Variants in RBFOX2 observed in about 807,000 individuals in gnomAD.
RBFOX2 encodes RNA binding protein fox-1 homolog 2.
A neutral mutation model predicts 49.1 loss-of-function variants in RBFOX2; 10 were observed. That is an observed-to-expected ratio of 0.20 (90% CI 0.13 to 0.35). The LOEUF (loss-of-function observed/expected upper bound fraction) is 0.35. Among genes scored for constraint, RBFOX2 ranks in the 10% least tolerant of loss-of-function variants. The pLI, the probability that RBFOX2 is intolerant of heterozygous loss-of-function variation, is 1.00. For synonymous variants in RBFOX2, 183 were observed against 187.4 expected, an observed-to-expected ratio of 0.98 and a Z score of 0.19; for missense variants, 323 against 486.9, an observed-to-expected ratio of 0.66 and a Z score of 3.17.
At chr22:35,872,906 A>C (rs1433184391) in intron 1 of RBFOX2, among the ~76,000 whole-genome samples, 1 of 152,090 alleles carries the variant, frequency 6.6e-6, no homozygotes, top group Non-Finnish European at 1.5e-5. Flanking sequence ...GGTCCATAGG[A>C]GTGGAGCCCT....
intron 6 of RBFOX2, 81 bp downstream of exon 7, chr22:35,765,342 T>A: frequency 9.8e-7 from 1 of 1,019,528 alleles, no homozygotes; most frequent in Non-Finnish European, 1.4e-6. Context: ...AAGACGGAAA[T>A]AAAGACATTC....
intron 1 of RBFOX2, among the ~76,000 whole-genome samples, chr22:36,027,759 G>GTC (rs2059503119): frequency 6.6e-6 from 1 of 151,984 alleles, no homozygotes; most frequent in Non-Finnish European, 1.5e-5. Flanking sequence ...GCTCTCTCGA[G>GTC]GAGTTTTCTT....
chr22:36,023,271 A>G (rs1183338341), intron 1 of RBFOX2, among the ~76,000 whole-genome samples: 2 of 152,166 alleles, frequency 1.3e-5, no homozygotes, highest in Non-Finnish European at 2.9e-5. Context: ...CTTCCCTGAA[A>G]CCTGAAAGAA....
chr22:36,026,492 C>T lies in RBFOX2; in HGVS notation c.186+1748G>A, dbSNP rs7291609. On this transcript the variant is annotated intron_variant, in intron 1 of 13. Coordinates refer to the RBFOX2 transcript ENST00000438146. The stretch of plus-strand genomic sequence containing the variant: ...CCCAGGAGTAAATGAGGGAAAGGGA[C>T]GGGGGTCTCACTATTAACTAGGATT... Among the ~76,000 whole-genome samples, 448 of 151,376 alleles carry T rather than the reference C, an allele frequency of 3.0e-3. 6 individuals are homozygous for T. The highest frequency in any genetic ancestry group is 0.011 in the African/African-American group (437 of 41,222).
At chr22:35,972,261 T>G (rs2150016331) in intron 1 of RBFOX2, among the ~76,000 whole-genome samples, 1 of 152,220 alleles carries the variant, frequency 6.6e-6, no homozygotes, top group Middle Eastern at 3.4e-3. Context: ...AGCACCTCCT[T>G]TAGGGAACTG....
chr22:35,832,408 A>T (rs1260983900), intron 1 of RBFOX2, among the ~76,000 whole-genome samples: 1 of 152,202 alleles, frequency 6.6e-6, no homozygotes, highest in East Asian at 1.9e-4. Context: ...AAAGCCAAAC[A>T]TGTTATCATA....
intron 1 of RBFOX2, among the ~76,000 whole-genome samples, chr22:35,922,990 T>C (rs2051194883): frequency 6.6e-6 from 1 of 152,196 alleles, no homozygotes; most frequent in Admixed American, 6.5e-5. Context: ...GTCCTATGGC[T>C]CTGTCTTAGC....
upstream of RBFOX2, among the ~76,000 whole-genome samples, chr22:35,941,990 G>A (rs2149771244): frequency 6.6e-6 from 1 of 152,228 alleles, no homozygotes; most frequent in South Asian, 2.1e-4. Flanking sequence ...CCTATTGCAG[G>A]TATTCTTCAG....
At chr22:35,892,207 A>C (rs1196422403) in intron 1 of RBFOX2, among the ~76,000 whole-genome samples, 1 of 152,216 alleles carries the variant, frequency 6.6e-6, no homozygotes, top group Admixed American at 6.5e-5. Flanking sequence ...TTTTCCCTAT[A>C]TGACAAATGA....
rs145028355 is a variant in RBFOX2, at chr22:35,798,268, C to T, written c.252+11512G>A. On this transcript the variant is annotated intron_variant, in intron 2 of 11. Transcript: ENST00000405409. ...GGGATTACAGGCATGAGCCACTGCACCAGGCCTGTACTGTTTTTCTACTGG... is the reference window on the plus strand; with the variant it reads ...GGGATTACAGGCATGAGCCACTGCATCAGGCCTGTACTGTTTTTCTACTGG... 1.8e-3 allele frequency among the ~76,000 whole-genome samples: 276 copies of T among 152,342 alleles called. 2 individuals carry two copies. The highest frequency in any genetic ancestry group is 6.5e-3 in the African/African-American group (270 of 41,576).
At chr22:35,960,955 T>C (rs2056136244) in intron 1 of RBFOX2, among the ~76,000 whole-genome samples, 1 of 152,018 alleles carries the variant, frequency 6.6e-6, no homozygotes, top group Non-Finnish European at 1.5e-5. Flanking sequence ...TTCTGTTATA[T>C]TTGTTTAAAA....
At position 35,926,356 on chromosome 22, in the gene RBFOX2, G is replaced by C. The variant is rs138502291; in HGVS notation, c.-34+12491C>G. ...TTCTCGATTTTGAAAATTGCTAATG[G>C]AAATTCTATAATTTTCCTTTGTAAA... On this transcript the variant is annotated intron_variant, in intron 1 of 13. Transcript: ENST00000359369. 3.5e-4 allele frequency among the ~76,000 whole-genome samples: 54 copies of C among 152,266 alleles called. No individual in the cohort carries two copies. The East Asian group carries it at 9.8e-3, about 28-fold the overall frequency.
intron 1 of RBFOX2, chr22:35,821,838 G>A (rs768466217): frequency 1.7e-5 from 9 of 518,782 alleles, no homozygotes; most frequent in East Asian, 1.1e-4. Context: ...TCCTGAGGCC[G>A]CTGAAGGAAG....
chr22:35,971,265 C>T (rs2150010607), intron 1 of RBFOX2, among the ~76,000 whole-genome samples: 1 of 152,236 alleles, frequency 6.6e-6, no homozygotes, highest in East Asian at 1.9e-4. Flanking sequence ...CCCTTTGGCA[C>T]ACAGCTACAC....
At chr22:36,005,748 A>G (rs1355493935) in intron 1 of RBFOX2, among the ~76,000 whole-genome samples, 1 of 152,226 alleles carries the variant, frequency 6.6e-6, no homozygotes, top group Non-Finnish European at 1.5e-5. Context: ...TCATGTGGTC[A>G]TTACAGAATA....
upstream of RBFOX2, among the ~76,000 whole-genome samples, chr22:35,963,816 G>C (rs1390207406): frequency 6.6e-6 from 1 of 152,176 alleles, no homozygotes; most frequent in Non-Finnish European, 1.5e-5. Context: ...TGCCATCTCA[G>C]CTCACTGCAA....
At chr22:35,850,712 T>C (rs1046372135) in intron 1 of RBFOX2, among the ~76,000 whole-genome samples, 1 of 152,126 alleles carries the variant, frequency 6.6e-6, no homozygotes, top group Non-Finnish European at 1.5e-5. Flanking sequence ...CATGGACAGG[T>C]GTTAGGTTTG....
At chr22:35,839,403 A>C (rs1175643033) in intron 1 of RBFOX2, among the ~76,000 whole-genome samples, 1 of 138,672 alleles carries the variant, frequency 7.2e-6, no homozygotes, top group East Asian at 2.4e-4. Context: ...GAAAAGGATG[A>C]GGAGAGAAAG....
chr22:35,932,413 T>C (rs1188136507), intron 1 of RBFOX2, among the ~76,000 whole-genome samples: 1 of 152,220 alleles, frequency 6.6e-6, no homozygotes. Flanking sequence ...AAAGTAAGGC[T>C]GCCACTCTGA....
Sources: gnomAD v4.1 joint callset for allele counts (sites outside exome capture counted in the v4.1 genomes callset) on GRCh38, gnomAD v4.1.1 for gene constraint, MANE v1.5 for transcripts, NCBI Gene and HGNC (gene_info 2026-07-23, HGNC 2026-07-21) for gene names.